Variants in KYNU observed in about 807,000 individuals in gnomAD.
The protein encoded by KYNU is L-kynurenine hydrolase.
In KYNU, 54 loss-of-function variants were observed where a neutral mutation model predicts 59.2. The ratio of observed to expected loss-of-function variants is 0.91; its 90% CI spans 0.73 to 1.14. KYNU has a LOEUF of 1.14. Ranked by LOEUF, KYNU falls within the 50% of genes most tolerant of loss-of-function variation. The probability of loss-of-function intolerance (pLI) is 0.00; values close to 1 mark genes in which losing one functional copy is unlikely to be tolerated. For missense variants in KYNU, 567 were observed against 554.4 expected, an observed-to-expected ratio of 1.02 and a Z score of -0.23; for synonymous variants, 177 against 192.0, an observed-to-expected ratio of 0.92 and a Z score of 0.65.
At chr2:142,979,632 A>G (rs11904225) in intron 8 of KYNU, among the ~76,000 whole-genome samples, 15,390 of 152,012 alleles carry the variant, frequency 0.1, 874 homozygotes, top group East Asian at 0.21. Flanking sequence ...AGGGGCACTA[A>G]CAGATCATAC....
intron 3 of KYNU, among the ~76,000 whole-genome samples, chr2:142,919,745 C>T (rs1328573164): frequency 1.3e-5 from 2 of 151,970 alleles, no homozygotes; most frequent in South Asian, 2.1e-4. Context: ...ACCAGCCTGG[C>T]CAACGTGGCG....
At chr2:142,980,701 T>C (rs1193067036) in intron 8 of KYNU, among the ~76,000 whole-genome samples, 2 of 152,128 alleles carry the variant, frequency 1.3e-5, no homozygotes, top group African/African-American at 4.8e-5. Context: ...GGCTGAACAA[T>C]GCTGTGCTGG....
At chr2:142,908,611 C>G (rs1388565597) in intron 2 of KYNU, among the ~76,000 whole-genome samples, 1 of 151,244 alleles carries the variant, frequency 6.6e-6, no homozygotes, top group Non-Finnish European at 1.5e-5. Context: ...AGACCAGTAT[C>G]TAAGTCCTAA....
chr2:142,962,584 T>A (rs1684387760), intron 8 of KYNU, among the ~76,000 whole-genome samples: 1 of 152,210 alleles, frequency 6.6e-6, no homozygotes, highest in African/African-American at 2.4e-5. Context: ...GCTAAAGCCA[T>A]TTGTTAAATG....
intron 10 of KYNU, among the ~76,000 whole-genome samples, chr2:142,997,121 T>C (rs957147000): frequency 3.9e-5 from 6 of 152,180 alleles, no homozygotes; most frequent in Admixed American, 6.5e-5. Context: ...TTTCCTTTTC[T>C]CAAGTATGAA....
At chr2:143,033,529 C>T (rs1217708722) in intron 12 of KYNU, among the ~76,000 whole-genome samples, 1 of 152,220 alleles carries the variant, frequency 6.6e-6, no homozygotes, top group African/African-American at 2.4e-5. Context: ...CAGCACAATG[C>T]TTGGCACATT....
chr2:143,028,949 TG>T (rs1686659526), intron 10 of KYNU, among the ~76,000 whole-genome samples: 1 of 152,220 alleles, frequency 6.6e-6, no homozygotes, highest in Non-Finnish European at 1.5e-5. Flanking sequence ...ATGGGCTTTT[TG>T]GGTACATTTC....
chr2:142,933,528 A>G (rs1357870465), intron 4 of KYNU, among the ~76,000 whole-genome samples: 1 of 152,172 alleles, frequency 6.6e-6, no homozygotes. Context: ...TTGCAGAGGC[A>G]GGAGGGATTG....
At chr2:142,983,697 A>G (rs1447347323) in intron 8 of KYNU, among the ~76,000 whole-genome samples, 3 of 152,062 alleles carry the variant, frequency 2.0e-5, no homozygotes, top group Non-Finnish European at 4.4e-5. Context: ...TTGGCTCTAT[A>G]TCTGTATTTA....
At chr2:142,887,589 A>G (rs1388671181) in intron 2 of KYNU, among the ~76,000 whole-genome samples, 1 of 152,222 alleles carries the variant, frequency 6.6e-6, no homozygotes, top group Non-Finnish European at 1.5e-5. Flanking sequence ...TAAGTTTTAA[A>G]AAGAACCATG....
intron 10 of KYNU, among the ~76,000 whole-genome samples, chr2:142,997,542 G>A (rs1685577115): frequency 2.0e-5 from 3 of 152,096 alleles, no homozygotes; most frequent in South Asian, 2.1e-4. Context: ...GAGAGAAGAG[G>A]AAAAGAATGT....
At chr2:143,006,312 C>T (rs1313642403) in intron 10 of KYNU, among the ~76,000 whole-genome samples, 3 of 151,768 alleles carry the variant, frequency 2.0e-5, no homozygotes, top group East Asian at 1.9e-4. Flanking sequence ...CCTGGAAAAT[C>T]GGGTCACTCC....
intron 2 of KYNU, among the ~76,000 whole-genome samples, chr2:142,918,301 G>A (rs1290710049): frequency 6.6e-6 from 1 of 152,028 alleles, no homozygotes; most frequent in Non-Finnish European, 1.5e-5. Context: ...AAAAACATTT[G>A]TTTTTAACTC....
chr2:142,950,736 T>C (rs1683963533), intron 4 of KYNU, among the ~76,000 whole-genome samples: 1 of 152,224 alleles, frequency 6.6e-6, no homozygotes, highest in South Asian at 2.1e-4. Context: ...TTAACTTCTT[T>C]CAAGAACATT....
At chr2:142,940,941 G>A (rs1036934965) in intron 4 of KYNU, among the ~76,000 whole-genome samples, 1 of 152,216 alleles carries the variant, frequency 6.6e-6, no homozygotes, top group African/African-American at 2.4e-5. Context: ...CTCAGAAACA[G>A]CCAATGGAAG....
At chr2:142,993,002 G>A (rs1349600614) in intron 10 of KYNU, among the ~76,000 whole-genome samples, 2 of 152,098 alleles carry the variant, frequency 1.3e-5, no homozygotes, top group Admixed American at 6.6e-5. Flanking sequence ...TAGGGGCAGC[G>A]GAGGTATAGC....
intron 2 of KYNU, among the ~76,000 whole-genome samples, chr2:142,900,097 G>A (rs1487037130): frequency 3.9e-5 from 6 of 152,176 alleles, no homozygotes; most frequent in African/African-American, 1.2e-4. Flanking sequence ...CATGGGTCAC[G>A]GAAGAGAACC....
At chr2:143,012,367 C>T (rs1686130787) in intron 10 of KYNU, among the ~76,000 whole-genome samples, 1 of 151,720 alleles carries the variant, frequency 6.6e-6, no homozygotes, top group South Asian at 2.1e-4. Flanking sequence ...CCTGTAATCC[C>T]AGCTACTCGG....
At chr2:142,949,749 T>TC (rs1027600326) in intron 4 of KYNU, among the ~76,000 whole-genome samples, 1 of 152,208 alleles carries the variant, frequency 6.6e-6, no homozygotes, top group African/African-American at 2.4e-5. Context: ...GGAGACATTT[T>TC]CCCCATTGTC....
Sources: gnomAD v4.1 joint callset for allele counts (sites outside exome capture counted in the v4.1 genomes callset) on GRCh38, gnomAD v4.1.1 for gene constraint, MANE v1.5 for transcripts, NCBI Gene and HGNC (gene_info 2026-07-23, HGNC 2026-07-21) for gene names.